ERCC3: variants seen among roughly 807,000 people sequenced by gnomAD.
The protein encoded by ERCC3 is general transcription and DNA repair factor IIH helicase/translocase subunit XPB.
A neutral mutation model predicts 94.2 loss-of-function variants in ERCC3; 66 were observed. The observed-to-expected ratio is 0.70, with a 90% CI of 0.57 to 0.86. ERCC3 has a LOEUF of 0.86. Among genes scored for constraint, ERCC3 ranks in the 40% least tolerant of loss-of-function variants. ERCC3 has a pLI of 0.00. For synonymous variants in ERCC3, 349 were observed against 369.1 expected (o/e 0.95, Z 0.63); for missense variants, 829 against 987.1 (o/e 0.84, Z 2.15).
chr2:127,278,120 C>T (rs1684789952), intron 10 of ERCC3, among the ~76,000 whole-genome samples: 1 of 151,906 alleles, frequency 6.6e-6, no homozygotes, highest in Non-Finnish European at 1.5e-5. Flanking sequence ...TGCCTGTAGA[C>T]CCAGCTACTC....
At chr2:127,288,420 A>T (rs1200382859) in intron 7 of ERCC3, among the ~76,000 whole-genome samples, 1 of 152,184 alleles carries the variant, frequency 6.6e-6, no homozygotes. Flanking sequence ...TCTTCCCCAG[A>T]AGAGTGAGCT....
intron 12 of ERCC3, among the ~76,000 whole-genome samples, chr2:127,268,361 C>G (rs188675094): frequency 6.6e-6 from 1 of 152,190 alleles, no homozygotes; most frequent in Non-Finnish European, 1.5e-5. Flanking sequence ...CAGACTAAAG[C>G]GATTCTCTTG....
In ERCC3 at chr2:127,288,716, A is replaced by G; in HGVS notation, c.971T>C (p.Leu324Ser). The G allele has an allele frequency of 6.2e-7, 1 of 1,614,120 alleles. No individual in the cohort carries two copies. The highest frequency in any genetic ancestry group is 8.5e-7 in the Non-Finnish European group (1 of 1,179,990). Reference protein sequence around the residue: ...AVLRPYQEKSLRKMFGNGRAR... With the variant: ...AVLRPYQEKSSRKMFGNGRAR... ...ACGCCCGTTTCCAAACATCTTTCGC[A>G]AGCTCTTCTCCTGATAGGGTCTGAG... Residue 324 changes from leucine (L) to serine (S), a missense_variant, in exon 7 of 15, where the codon TTG becomes TCG. Coordinates refer to ENST00000285398, the MANE Select transcript of ERCC3 (RefSeq NM_000122.2).
rs1327020283 is a variant in ERCC3, at chr2:127,286,925, A to G, written c.1120T>C (p.Trp374Arg). The G allele has an allele frequency of 2.5e-6, 4 of 1,614,054 alleles. No individual in the cohort carries two copies. The highest frequency in any genetic ancestry group is 2.2e-5 in the East Asian group (1 of 44,898). ...GACCACATCTTGAACTGGGCTTTCC[A>G]CTGCTCCACAGAAACAGCTGAGTTG... ...LGNSAVSVEQ[W>R]KAQFKMWSTI... Residue 374 changes from tryptophan to arginine, a missense_variant, in exon 8 of 15, where the codon TGG becomes CGG. Transcript: ENST00000285398.
chr2:127,261,459 T>G, intron 12 of ERCC3, 113 bp from the exon 13 acceptor site: 1 of 791,012 alleles, frequency 1.3e-6, no homozygotes, highest in African/African-American at 1.7e-5. Flanking sequence ...AGCCCTGCAC[T>G]CGGGGTTACC....
At chr2:127,260,300 T>C (rs1157070644) in intron 13 of ERCC3, 3 of 152,334 alleles carry the variant, frequency 2.0e-5, no homozygotes, top group Non-Finnish European at 4.4e-5. Context: ...AGGTCACCTT[T>C]CAAAGAATTG....
intron 12 of ERCC3, among the ~76,000 whole-genome samples, chr2:127,265,724 T>C (rs1684336162): frequency 6.6e-6 from 1 of 152,226 alleles, no homozygotes; most frequent in Non-Finnish European, 1.5e-5. Flanking sequence ...GCCTTATCTA[T>C]CTTTTCAAAG....
At position 127,257,647 on chromosome 2, in the gene ERCC3, G is replaced by A. The variant is rs763063239; in HGVS notation, c.2298C>T (p.Ser766=). 6.2e-7 allele frequency: 1 copy of A among 1,614,188 alleles called. No homozygotes were observed. Among genetic ancestry groups the A allele is most frequent in the Non-Finnish European group, 8.5e-7 (1 of 1,180,030 alleles). The change falls in exon 15 of 15, where the codon AGC becomes AGT. Residue 766 remains serine, a synonymous_variant. Transcript: ENST00000285398. The surrounding 1 kb of genome is among the most constrained non-coding windows in gnomAD (Gnocchi z 5.4). ...GGTGTACATGTTTGCTGGGCGCCTT[G>A]CTCCGCGATGAGTGGTACTCCATGT... ...TVYMEYHSSR[S]KAPSKHVHPL...
chr2:127,292,137 G>A, intron 3 of ERCC3: 1 of 257,228 alleles, frequency 3.9e-6, no homozygotes, highest in Non-Finnish European at 7.8e-6. Context: ...TTCTTAGGAG[G>A]ACACTAATCA....
rs1684045150 is a variant in ERCC3 at position 127,257,450 on chromosome 2, G to A, written c.*146C>T. 7.8e-6 allele frequency: 8 copies of A among 1,020,844 alleles called. No individual in the cohort carries two copies. The highest frequency in any genetic ancestry group is 2.4e-5 in the East Asian group (1 of 42,036). The allele number at this position is 1,020,844 out of a possible 1,614,324, so 63.2% of individuals were successfully genotyped here. On this transcript the variant is annotated 3_prime_UTR_variant, in exon 15 of 15. Transcript: ENST00000285398. This position sits in a 1 kb window ranked among gnomAD's most constrained non-coding sequence, Gnocchi z 5.4. ...ACCCTAGATGACCTATGAAGGCACA[G>A]CCAAGCCCTTGATGCATCTTCCTCA...
rs2104771203 is a variant in ERCC3 at position 127,286,869 on chromosome 2, G to A, written c.1176C>T (p.Phe392=). 1 of 1,614,248 alleles carries A rather than the reference G, an allele frequency of 6.2e-7. No homozygotes were observed. Among genetic ancestry groups the A allele is most frequent in the Non-Finnish European group, 8.5e-7 (1 of 1,180,046 alleles). The change falls in exon 8 of 15, where the codon TTC becomes TTT. Residue 392 remains phenylalanine, a synonymous_variant. Coordinates refer to ENST00000285398, the MANE Select transcript of ERCC3 (RefSeq NM_000122.2). Reference sequence around the variant, plus strand: ...TGGGCTTGTCCTTGGCATCGGAGGTGAACCGGCAGATCTGGCTGTCGTCAA... The same window carrying A: ...TGGGCTTGTCCTTGGCATCGGAGGTAAACCGGCAGATCTGGCTGTCGTCAA... ...STIDDSQICR[F]TSDAKDKPIG...
rs1336954731 is a variant in ERCC3, at chr2:127,268,546, A to G, written c.1945+2790T>C. On this transcript the variant is annotated intron_variant, in intron 12 of 14. Coordinates refer to ENST00000285398, the MANE Select transcript of ERCC3 (RefSeq NM_000122.2). ...CCAAAGTGCTGGGATTACAGGTGTG[A>G]GCCGCCGTGCCCAGCCAGGATTTCT... is the stretch of plus-strand genomic sequence containing the variant. 3.3e-5 allele frequency among the ~76,000 whole-genome samples: 5 copies of G among 152,296 alleles called. No individual in the cohort carries two copies. In the East Asian group the frequency reaches 9.7e-4, roughly 29 times the overall value.
Position 127,280,910 on chromosome 2 carries a change from G to A in ERCC3, c.1343-279C>T. On this transcript the variant is annotated intron_variant, in intron 8 of 14. Transcript: ENST00000285398. The surrounding 1 kb of genome is among the most constrained non-coding windows in gnomAD (Gnocchi z 6.3). ...CACCTGAACTAACCCTTGGGTTTCA[G>A]GACCACAGAAGCTGGCTCTAGACAA... 2.0e-6 allele frequency: 1 copy of A among 508,762 alleles called. No homozygotes were observed. The highest frequency in any genetic ancestry group is 3.0e-5 in the East Asian group (1 of 33,326). 31.5% of individuals were successfully genotyped at this position (508,762 alleles called of 1,614,324 possible). A position where few individuals can be genotyped will look rare whatever the true frequency, so the allele number is the denominator to read the frequency against.
intron 12 of ERCC3, among the ~76,000 whole-genome samples, chr2:127,268,079 G>A (rs775322650): frequency 5.3e-5 from 8 of 151,854 alleles, no homozygotes; most frequent in African/African-American, 1.9e-4. Flanking sequence ...TCAGCCTCCT[G>A]AGTAGCTGAG....
intron 12 of ERCC3, chr2:127,261,949 T>G (rs1208018736): frequency 6.4e-6 from 1 of 156,420 alleles, no homozygotes; most frequent in African/African-American, 2.4e-5. Flanking sequence ...CACACTGTTA[T>G]AACCACATGA....
intron 12 of ERCC3, among the ~76,000 whole-genome samples, chr2:127,268,431 T>C (rs754168207): frequency 1.3e-5 from 2 of 151,920 alleles, no homozygotes; most frequent in Non-Finnish European, 2.9e-5. Flanking sequence ...GCTAGCTAAT[T>C]GTTGTATTTT....
Position 127,272,911 on chromosome 2 carries a change from T to C in ERCC3, c.1781A>G (p.Gln594Arg), listed in dbSNP as rs766998168. The change falls in exon 11 of 15, where the codon CAG (glutamine) becomes CGG (arginine). Residue 594 changes from glutamine to arginine, a missense_variant. Physicochemically the swap from Gln to Arg is conservative, Grantham distance 43 (BLOSUM62 1). Transcript: ENST00000285398. ...TSQGERMQIL[Q>R]NFKHNPKINT... ...AATTTTGGGGTTGTGCTTGAAATTC[T>C]GGAGAATTTGCATCCTTTCCCCCTG... 3 of 1,613,914 alleles carry C rather than the reference T, an allele frequency of 1.9e-6. No individual in the cohort carries two copies. The highest frequency in any genetic ancestry group is 2.5e-6 in the Non-Finnish European group (3 of 1,179,788).
At chr2:127,288,945 C>A (rs75888812) in intron 6 of ERCC3, 81 bp from the exon 7 acceptor site, 2 of 1,124,978 alleles carry the variant, frequency 1.8e-6, no homozygotes, top group South Asian at 1.2e-5. Context: ...GTCCAATGGT[C>A]AAAAAAGTGG....
chr2:127,290,055 G>A, intron 4 of ERCC3, 169 bp downstream of exon 4: 4 of 770,044 alleles, frequency 5.2e-6, no homozygotes, highest in Non-Finnish European at 6.7e-6. Context: ...GAAATACAGT[G>A]GCCAGTGGAT....
Sources: gnomAD v4.1 joint callset for allele counts (sites outside exome capture counted in the v4.1 genomes callset) on GRCh38, gnomAD v4.1.1 for gene constraint, Gnocchi (gnomAD v3.1) non-coding constraint, MANE v1.5 for transcripts, NCBI Gene and HGNC (gene_info 2026-07-23, HGNC 2026-07-21) for gene names.